Variants in SEC16A observed in about 807,000 individuals in gnomAD.
SEC16A encodes the protein protein transport protein Sec16A.
Under a neutral mutation model 221.9 loss-of-function variants are expected in SEC16A, and 110 were observed. The observed-to-expected ratio is 0.50, with a 90% CI of 0.42 to 0.58. The LOEUF (loss-of-function observed/expected upper bound fraction) is 0.58. Ranked by LOEUF, SEC16A falls within the 20% of genes least tolerant of loss-of-function variation. SEC16A has a pLI of 0.00. For synonymous variants in SEC16A, 1,393 were observed against 1,257.7 expected (o/e 1.11, Z -2.28); for missense variants, 3,165 against 3,097.8 (o/e 1.02, Z -0.52).
In SEC16A at chr9:136,474,095, G is replaced by C; in HGVS notation, c.3521C>G (p.Ser1174Cys). The change falls in exon 3 of 32, where the codon TCT (serine) becomes TGT (cysteine). Residue 1174 changes from serine to cysteine, a missense_variant. Ser to Cys is a moderately radical substitution (Grantham distance 112, BLOSUM62 -1). This residue lies in a region of SEC16A where 2,030 missense variants were observed against 1,923.1 expected (regional missense o/e 1.06). Transcript: ENST00000684901. ...PLYDAYQPQY[S>C]LPYPPEPGAA... ...GCCAGGCTCCGGTGGGTACGGCAAA[G>C]AGTACTGAGGCTGGTAGGCATCGTA... is the stretch of plus-strand genomic sequence containing the variant. The C allele has an allele frequency of 1.2e-6, 2 of 1,612,694 alleles. No homozygotes were observed. The highest frequency in any genetic ancestry group is 1.7e-6 in the Non-Finnish European group (2 of 1,179,530).
At chr9:136,473,736 G>A (rs1187544820) in intron 3 of SEC16A, among the ~76,000 whole-genome samples, 2 of 152,248 alleles carry the variant, frequency 1.3e-5, no homozygotes, top group Non-Finnish European at 2.9e-5. Context: ...GAGCAGGGGT[G>A]ACAGCAAATG....
At position 136,475,503 on chromosome 9, in the gene SEC16A, C is replaced by G; in HGVS notation, c.2113G>C (p.Glu705Gln). The G allele has an allele frequency of 6.2e-7, 1 of 1,609,446 alleles. No homozygotes were observed. Among genetic ancestry groups the G allele is most frequent in the South Asian group, 1.1e-5 (1 of 90,862 alleles). Residue 705 changes from glutamate to glutamine, a missense_variant, in exon 3 of 32, where the codon GAG becomes CAG. By Grantham distance (29) the Glu-to-Gln change is conservative. Transcript: ENST00000684901. This position sits in a 1 kb window ranked among gnomAD's most constrained non-coding sequence, Gnocchi z 5.0. ...TGGGTCCTGGCTGAAGGCCTCTTCT[C>G]GGGTGCTGGATACACAGTATCCAAG... Reference protein sequence around the residue: ...PPLDTVYPAPEKRPSARTQGP... With the variant: ...PPLDTVYPAPQKRPSARTQGP...
chr9:136,457,466 A>G lies in SEC16A; in HGVS notation c.5528T>C (p.Val1843Ala). ...CACCTGCACAAGCTGGCTGATCAAC[A>G]CCGGGGAATACAGGTGCGGCTGCGT... The part of the protein sequence containing the change: ...ILTQPHLYSP[V>A]LISQLVQMAS... Residue 1843 changes from valine (V) to alanine (A), a missense_variant, in exon 18 of 32, where the codon GTG becomes GCG. By Grantham distance (64) the Val-to-Ala change is moderately conservative. Around this residue, in one of 3 missense-constraint regions of SEC16A, gnomAD observed 1,088 missense variants for 1,089.6 expected, o/e 1.00. Transcript: ENST00000684901. 6.2e-7 allele frequency: 1 copy of G among 1,606,690 alleles called. No homozygotes were observed. Among genetic ancestry groups the G allele is most frequent in the Non-Finnish European group, 8.5e-7 (1 of 1,176,434 alleles).
intron 12 of SEC16A, among the ~76,000 whole-genome samples, chr9:136,462,051 T>C (rs572050298): frequency 3.3e-5 from 5 of 152,022 alleles, no homozygotes; most frequent in Admixed American, 6.5e-5. Flanking sequence ...GAGGCCACAT[T>C]AAGCTGTGAT....
chr9:136,454,352 G>A (rs764640349), intron 20 of SEC16A, 25 bp from the exon 21 acceptor site: 1 of 1,552,122 alleles, frequency 6.4e-7, no homozygotes, highest in Non-Finnish European at 8.7e-7. Flanking sequence ...TGGAGAAGAG[G>A]TCTGGGGTTA....
In SEC16A at chr9:136,451,248, T is replaced by C. The variant is rs1379216760; in HGVS notation, c.6312+8A>G. 3 of 1,609,056 alleles carry C rather than the reference T, an allele frequency of 1.9e-6. No individual in the cohort carries two copies. In the Admixed American group the frequency reaches 5.1e-5, roughly 27 times the overall value. Reference sequence around the variant, plus strand: ...GCCGCCAGGCGCACCGTGGGCAGGCTGTACTACCTTCTTAGGTTCCTTCGT... The same window carrying C: ...GCCGCCAGGCGCACCGTGGGCAGGCCGTACTACCTTCTTAGGTTCCTTCGT... On this transcript the variant is annotated splice_region_variant and intron_variant, in intron 23 of 31. Transcript: ENST00000684901.
At position 136,457,518 on chromosome 9, in the gene SEC16A, A is replaced by G. The variant is rs1480735124; in HGVS notation, c.5476T>C (p.Cys1826Arg). The change falls in exon 18 of 32, where the codon TGT becomes CGT. Residue 1826 changes from cysteine to arginine, a missense_variant. By Grantham distance (180) the Cys-to-Arg change is radical. Transcript: ENST00000684901. ...MGLATQAFHY[C>R]EAIAKSILTQ... ...AGGATGCTCTTCGCGATGGCCTCACAGTAGTGGAAGGCTTGCGTGGCCAGC... is the reference window on the plus strand; with the variant it reads ...AGGATGCTCTTCGCGATGGCCTCACGGTAGTGGAAGGCTTGCGTGGCCAGC... The G allele has an allele frequency of 2.5e-6, 4 of 1,610,488 alleles. No individual in the cohort carries two copies. The highest frequency in any genetic ancestry group is 1.7e-5 in the Admixed American group (1 of 59,620).
chr9:136,457,671 C>T, intron 17 of SEC16A, 87 bp from the exon 18 acceptor site: 1 of 1,469,358 alleles, frequency 6.8e-7, no homozygotes, highest in Non-Finnish European at 9.2e-7. Context: ...CCTGAGGCTC[C>T]CCTGCATCCG....
rs372790355 is a variant in SEC16A, at chr9:136,475,645, G to A, written c.1971C>T (p.Gly657=). 1.2e-5 allele frequency: 19 copies of A among 1,613,640 alleles called. No homozygotes were observed. The highest frequency in any genetic ancestry group is 5.3e-5 in the African/African-American group (4 of 74,940). The change falls in exon 3 of 32, where the codon GGC becomes GGT. Residue 657 remains glycine, a synonymous_variant. Coordinates refer to ENST00000684901, the MANE Select transcript of SEC16A (RefSeq NM_014866.2). The surrounding 1 kb of genome is among the most constrained non-coding windows in gnomAD (Gnocchi z 5.0). ...PAAALPDASP[G]NLEQPPDNME... is the part of the protein sequence containing the mutation. ...TGTTGTCTGGTGGCTGCTCCAGGTT[G>A]CCAGGGGAAGCATCGGGCAGGGCGG...
At chr9:136,481,243 C>G (rs1842310228) in intron 1 of SEC16A, among the ~76,000 whole-genome samples, 1 of 145,652 alleles carries the variant, frequency 6.9e-6, no homozygotes, top group Admixed American at 7.3e-5. Flanking sequence ...TCACGCCATT[C>G]TCCTGCCTCA....
chr9:136,448,936 A>G lies in SEC16A; in HGVS notation c.6313-775T>C, dbSNP rs545456205. On this transcript the variant is annotated intron_variant, in intron 23 of 31. Transcript: ENST00000684901. ...GAAGGTGAGACAGTTCTGGAGATGG[A>G]TGGTGGTGATGGCAACACAACAGTG... is the stretch of plus-strand genomic sequence containing the variant. The G allele has an allele frequency of 3.6e-5, 24 of 661,540 alleles. No homozygotes were observed. The East Asian group carries it at 6.2e-4, about 17-fold the overall frequency. The allele number at this position is 661,540 out of a possible 1,614,324, so 41.0% of individuals were successfully genotyped here. A position where few individuals can be genotyped will look rare whatever the true frequency, so the allele number is the denominator to read the frequency against.
chr9:136,455,114 C>A (rs928160060), intron 20 of SEC16A, among the ~76,000 whole-genome samples: 1 of 152,194 alleles, frequency 6.6e-6, no homozygotes, highest in African/African-American at 2.4e-5. Flanking sequence ...TGCGGACCTG[C>A]GTGCAGGCCG....
intron 4 of SEC16A, among the ~76,000 whole-genome samples, chr9:136,470,278 G>A (rs1840686724): frequency 6.6e-6 from 1 of 152,214 alleles, no homozygotes; most frequent in Non-Finnish European, 1.5e-5. Context: ...CCACTCCTGT[G>A]GTGACCTGAC....
intron 30 of SEC16A, among the ~76,000 whole-genome samples, chr9:136,444,263 G>T (rs1198418768): frequency 6.6e-6 from 1 of 152,116 alleles, no homozygotes; most frequent in Non-Finnish European, 1.5e-5. Context: ...CGGAAGGGTC[G>T]CTGCAAGCCT....
rs765961801 is a variant in SEC16A, at chr9:136,468,458, G to A, written c.3759C>T (p.Ser1253=). 71 of 1,613,142 alleles carry A rather than the reference G, an allele frequency of 4.4e-5. No individual in the cohort carries two copies. In the Middle Eastern group the frequency reaches 1.2e-3, roughly 26 times the overall value. Residue 1253 remains serine (S), a synonymous_variant, in exon 5 of 32, where the codon AGC becomes AGT. Transcript: ENST00000684901. ...YSSKSGWSSQ[S]DYYASYYSSQ... ...TGGAGTAATAGCTTGCATAGTAATC[G>A]CTCTGACTGCTCCATCCACTTTTGG... is the stretch of plus-strand genomic sequence containing the variant.
chr9:136,446,740 G>C, intron 28 of SEC16A, 115 bp downstream of exon 28: 11 of 1,089,832 alleles, frequency 1.0e-5, no homozygotes, highest in Non-Finnish European at 1.4e-5. Context: ...GTTTAAGGCG[G>C]AACACTCTAC....
In SEC16A at chr9:136,447,669, C is replaced by T. The variant is rs761131389; in HGVS notation, c.6459G>A (p.Pro2153=). 1.3e-5 allele frequency: 21 copies of T among 1,602,110 alleles called. No homozygotes were observed. Among genetic ancestry groups the T allele is most frequent in the Middle Eastern group, 1.7e-4 (1 of 6,024 alleles). ...LNEPEEEKKA[P]PPPPTSMPKT... is the part of the protein sequence containing the mutation. Reference sequence around the variant, plus strand: ...TGGGCATCGAGGTTGGAGGTGGGGGCGGGGCTTTCTTCTGCAGAGGGAAAC... The same window carrying T: ...TGGGCATCGAGGTTGGAGGTGGGGGTGGGGCTTTCTTCTGCAGAGGGAAAC... The change falls in exon 26 of 32, where the codon CCG becomes CCA. Residue 2153 remains proline (P), a synonymous_variant. Coordinates refer to ENST00000684901, the MANE Select transcript of SEC16A (RefSeq NM_014866.2). The surrounding 1 kb of genome is among the most constrained non-coding windows in gnomAD (Gnocchi z 5.5).
chr9:136,449,499 CA>C (rs1837489575), intron 23 of SEC16A, among the ~76,000 whole-genome samples: 1 of 152,236 alleles, frequency 6.6e-6, no homozygotes, highest in East Asian at 1.9e-4. Context: ...CTGCTCGCCT[CA>C]GCATCCCAGA....
intron 29 of SEC16A, 29 bp downstream of exon 29, chr9:136,445,616 C>A: frequency 6.6e-7 from 1 of 1,526,672 alleles, no homozygotes; most frequent in Non-Finnish European, 8.9e-7. Context: ...GCCTGGGCTG[C>A]GGGGGGCCCT....
Sources: allele counts gnomAD v4.1 joint callset (sites outside exome capture counted in the v4.1 genomes callset), GRCh38; gene constraint gnomAD v4.1.1; regional missense constraint gnomAD v4.1.1; non-coding constraint Gnocchi (gnomAD v3.1); transcripts MANE v1.5; gene names NCBI Gene and HGNC (gene_info 2026-07-23, HGNC 2026-07-21).